The following PDGFD variants were observed in gnomAD, a reference collection of about 807,000 sequenced individuals.
The protein encoded by PDGFD is platelet-derived growth factor D.
In PDGFD, 30 loss-of-function variants were observed where a neutral mutation model predicts 44.7. That is an observed-to-expected ratio of 0.67 (90% CI 0.50 to 0.91). PDGFD has a LOEUF of 0.91. Among genes scored for constraint, PDGFD ranks in the 40% least tolerant of loss-of-function variants. PDGFD has a pLI of 0.00. For missense variants in PDGFD, 445 were observed against 457.8 expected (o/e 0.97, Z 0.25); for synonymous variants, 173 against 168.4 (o/e 1.03, Z -0.21).
chr11:104,017,622 A>G (rs903675824), intron 1 of PDGFD, among the ~76,000 whole-genome samples: 1 of 152,214 alleles, frequency 6.6e-6, no homozygotes, highest in African/African-American at 2.4e-5. Context: ...CGTTCAACAA[A>G]TAATAACAGA....
At chr11:103,963,609 C>T (rs1168122618) in intron 3 of PDGFD, among the ~76,000 whole-genome samples, 1 of 152,070 alleles carries the variant, frequency 6.6e-6, no homozygotes, top group African/African-American at 2.4e-5. Flanking sequence ...ACATGGGAAA[C>T]AAACCAAACA....
At chr11:104,082,137 C>CATTATATATATATATAT (rs1555050974) in intron 1 of PDGFD, among the ~76,000 whole-genome samples, 3 of 123,222 alleles carry the variant, frequency 2.4e-5, no homozygotes, top group African/African-American at 1.0e-4. Flanking sequence ...TACATACATA[C>CATTATATATATATATAT]ATATATATAT....
Position 104,071,450 on chromosome 11 carries a change from T to G in PDGFD, c.125-71195A>C, listed in dbSNP as rs1031520118. On this transcript the variant is annotated intron_variant, in intron 1 of 6. Transcript: ENST00000393158. ...AGTGCGTGTGTGTGTGTGTGTGTGT[T>G]ATATATAAATTGTTTATGCTTGTTG... is the stretch of plus-strand genomic sequence containing the variant. Among the ~76,000 whole-genome samples, 14 of 151,076 alleles carry G rather than the reference T, an allele frequency of 9.3e-5. No homozygotes were observed. The East Asian group carries it at 1.2e-3, about 13-fold the overall frequency.
intron 1 of PDGFD, among the ~76,000 whole-genome samples, chr11:104,069,312 T>C (rs1860840002): frequency 6.6e-6 from 1 of 152,218 alleles, no homozygotes; most frequent in African/African-American, 2.4e-5. Flanking sequence ...TACTGTTGTG[T>C]GCTTTTTAAC....
At chr11:104,037,118 T>C (rs995778078) in intron 1 of PDGFD, 14 of 1,614,008 alleles carry the variant, frequency 8.7e-6, no homozygotes, top group African/African-American at 1.3e-5. Context: ...TTCAGTGGCA[T>C]TGCGGTGCCT....
At chr11:104,025,829 C>A (rs1418037609) in intron 1 of PDGFD, among the ~76,000 whole-genome samples, 1 of 152,210 alleles carries the variant, frequency 6.6e-6, no homozygotes, top group South Asian at 2.1e-4. Context: ...CACTCACCTG[C>A]CTGTCTAAAG....
intron 1 of PDGFD, among the ~76,000 whole-genome samples, chr11:104,048,029 AC>A (rs5794290): frequency 0.014 from 2,193 of 152,278 alleles, 54 homozygotes; most frequent in African/African-American, 0.05. Context: ...TCTAGTGCAC[AC>A]TTTTGAGAGA....
At chr11:103,916,269 T>C (rs552614287) in intron 6 of PDGFD, among the ~76,000 whole-genome samples, 28 of 152,244 alleles carry the variant, frequency 1.8e-4, no homozygotes, top group African/African-American at 6.3e-4. Flanking sequence ...CGTCAAAATA[T>C]GGGCAAAGGA....
intron 1 of PDGFD, chr11:104,036,567 A>T: frequency 1.8e-6 from 1 of 545,686 alleles, no homozygotes; most frequent in Non-Finnish European, 3.3e-6. Flanking sequence ...TCTAGGTTCC[A>T]AACAGCACAC....
intron 1 of PDGFD, among the ~76,000 whole-genome samples, chr11:104,137,729 T>C (rs1044122362): frequency 1.7e-4 from 5 of 29,534 alleles, no homozygotes; most frequent in Admixed American, 3.9e-4. Context: ...AGATCACCAC[T>C]TTTTTTTTTT....
intron 3 of PDGFD, among the ~76,000 whole-genome samples, chr11:103,948,156 T>C (rs1354720406): frequency 6.6e-6 from 1 of 152,240 alleles, no homozygotes; most frequent in Non-Finnish European, 1.5e-5. Flanking sequence ...ATTATCATTA[T>C]TGACATATAG....
At chr11:103,951,532 T>C (rs1858757022) in intron 3 of PDGFD, among the ~76,000 whole-genome samples, 2 of 152,208 alleles carry the variant, frequency 1.3e-5, no homozygotes, top group Admixed American at 1.3e-4. Context: ...TGACTACCAT[T>C]TGCCTCTATG....
chr11:103,909,575 GTGTTCA>G lies in PDGFD; in HGVS notation c.*113_*118del. ...CAAGGCTGAGACTCAGCAACCACTT[GTGTTCA>G]TTGCATTGCAGGCTAGTAGTAAGTT... On this transcript the variant is annotated 3_prime_UTR_variant, in exon 7 of 7. Transcript: ENST00000393158. The G allele has an allele frequency of 1.5e-6, 2 of 1,300,644 alleles. No homozygotes were observed. Among genetic ancestry groups the G allele is most frequent in the Non-Finnish European group, 2.2e-6 (2 of 920,606 alleles). 80.6% of individuals were successfully genotyped at this position (1,300,644 alleles called of 1,614,324 possible). A position where few individuals can be genotyped will look rare whatever the true frequency, so the allele number is the denominator to read the frequency against.
intron 5 of PDGFD, among the ~76,000 whole-genome samples, chr11:103,940,444 T>C (rs925220706): frequency 1.3e-5 from 2 of 152,072 alleles, no homozygotes; most frequent in African/African-American, 2.4e-5. Context: ...CACAACATCA[T>C]TAAGAAATTA....
chr11:104,066,163 C>A (rs140900257), intron 1 of PDGFD, among the ~76,000 whole-genome samples: 1 of 152,248 alleles, frequency 6.6e-6, no homozygotes, highest in East Asian at 1.9e-4. Context: ...TGGAGGAATG[C>A]CATACCTCCG....
At chr11:104,016,938 A>G (rs555398391) in intron 1 of PDGFD, among the ~76,000 whole-genome samples, 1 of 152,274 alleles carries the variant, frequency 6.6e-6, no homozygotes, top group South Asian at 2.1e-4. Flanking sequence ...GCCATGAAAT[A>G]TTTCTCTGCT....
intron 1 of PDGFD, among the ~76,000 whole-genome samples, chr11:104,155,630 G>T (rs1853327196): frequency 6.6e-6 from 1 of 152,316 alleles, no homozygotes; most frequent in South Asian, 2.1e-4. Context: ...GGCTTTTAGT[G>T]TCTACCATAC....
At chr11:103,961,280 C>A (rs149901618) in intron 3 of PDGFD, among the ~76,000 whole-genome samples, 50 of 152,158 alleles carry the variant, frequency 3.3e-4, no homozygotes, top group African/African-American at 1.1e-3. Flanking sequence ...TGTTACATAG[C>A]AGATGTTAAT....
rs772836223 is a variant in PDGFD at position 104,037,144 on chromosome 11, C to T, written c.125-36889G>A. On this transcript the variant is annotated intron_variant, in intron 1 of 6. Coordinates refer to ENST00000393158, the MANE Select transcript of PDGFD (RefSeq NM_025208.5). ...TGCGGTGCCTGGGACGTCCAGCTCC[C>T]GTCCACAGCACCCTGGACAGCAGCA... The T allele has an allele frequency of 5.6e-6, 9 of 1,613,710 alleles. No homozygotes were observed. In the East Asian group the frequency reaches 6.7e-5, roughly 12 times the overall value.
Sources: allele counts gnomAD v4.1 joint callset (sites outside exome capture counted in the v4.1 genomes callset), GRCh38; gene constraint gnomAD v4.1.1; transcripts MANE v1.5; gene names NCBI Gene and HGNC (gene_info 2026-07-23, HGNC 2026-07-21).